Variants in CACNA1H observed in about 807,000 individuals in gnomAD.
CACNA1H encodes voltage-dependent T-type calcium channel subunit alpha-1H.
CACNA1H carries 149 observed loss-of-function variants against 192.5 expected under a neutral mutation model. That is an observed-to-expected ratio of 0.77 (90% CI 0.68 to 0.89). CACNA1H has a LOEUF of 0.89. CACNA1H is among the 40% of genes least tolerant of loss of function. CACNA1H has a pLI of 0.00. For synonymous variants in CACNA1H, 2,202 were observed against 1,475.2 expected, an observed-to-expected ratio of 1.49 and a Z score of -11.29; for missense variants, 4,257 against 3,423.5, an observed-to-expected ratio of 1.24 and a Z score of -6.08.
chr16:1,209,451 C>A (rs748676272), intron 17 of CACNA1H, 39 bp downstream of exon 17: 11 of 1,587,650 alleles, frequency 6.9e-6, no homozygotes, highest in South Asian at 6.6e-5. Context: ...GACTCGCCTT[C>A]GTCTGTCTGG....
rs746731481 is a variant in CACNA1H at position 1,220,751 on chromosome 16, C to T, written c.6819C>T (p.Leu2273=). The change falls in exon 35 of 35, where the codon CTC becomes CTT. Residue 2273 remains leucine (L), a synonymous_variant. Coordinates refer to ENST00000348261, the MANE Select transcript of CACNA1H (RefSeq NM_021098.3). The part of the protein sequence containing the change: ...VPSFAFEPLD[L]GVPSGDPFLD... ...GCTTTGCCTTTGAGCCGCTGGACCT[C>T]GGGGTCCCCAGTGGAGACCCTTTCT... 10 of 1,612,404 alleles carry T rather than the reference C, an allele frequency of 6.2e-6. No homozygotes were observed. Among genetic ancestry groups the T allele is most frequent in the African/African-American group, 2.7e-5 (2 of 74,896 alleles).
At chr16:1,212,628 C>G in intron 26 of CACNA1H, 100 bp downstream of exon 26, 1 of 1,416,858 alleles carries the variant, frequency 7.1e-7, no homozygotes, top group Non-Finnish European at 9.7e-7. Context: ...GCAGGGTGGG[C>G]ACAGGCAGCC....
chr16:1,194,344 C>T (rs186006414), intron 2 of CACNA1H, among the ~76,000 whole-genome samples: 8 of 152,296 alleles, frequency 5.3e-5, no homozygotes, highest in African/African-American at 1.9e-4. Context: ...AAGGAAGGTC[C>T]CTCCTGGGTC....
intron 2 of CACNA1H, among the ~76,000 whole-genome samples, chr16:1,192,564 A>T (rs1966718168): frequency 6.6e-6 from 1 of 152,236 alleles, no homozygotes; most frequent in South Asian, 2.1e-4. Flanking sequence ...GCCATGCCGT[A>T]GCTTTAGCTC....
At position 1,204,354 on chromosome 16, in the gene CACNA1H, A is replaced by G. The variant is rs887765821; in HGVS notation, c.2347A>G (p.Ser783Gly). Residue 783 changes from serine to glycine, a missense_variant, in exon 10 of 35, where the codon AGC becomes GGC. Ser to Gly is a moderately conservative substitution (Grantham distance 56). Transcript: ENST00000348261. ...GATGGGCCGCCTCTGGGTTACCTTC[A>G]GCGGCAAGCTGCGCCGCATCGTGGA... is the stretch of plus-strand genomic sequence containing the variant. ...GWMGRLWVTF[S>G]GKLRRIVDSK... 2 of 1,579,692 alleles carry G rather than the reference A, an allele frequency of 1.3e-6. No homozygotes were observed. The highest frequency in any genetic ancestry group is 2.2e-5 in the East Asian group (1 of 44,502).
chr16:1,204,490 C>T, intron 10 of CACNA1H, 32 bp downstream of exon 10: 1 of 1,498,408 alleles, frequency 6.7e-7, no homozygotes, highest in Non-Finnish European at 8.9e-7. Flanking sequence ...GGGTGGGCTC[C>T]CTGTCAGGCT....
chr16:1,177,802 G>A (rs1338856850), intron 2 of CACNA1H, among the ~76,000 whole-genome samples: 1 of 151,896 alleles, frequency 6.6e-6, no homozygotes, highest in East Asian at 1.9e-4. Flanking sequence ...CGGGGTCCTT[G>A]TTACAAGGGC....
chr16:1,208,924 A>C, intron 16 of CACNA1H, 108 bp from the exon 17 acceptor site: 1 of 1,164,374 alleles, frequency 8.6e-7, no homozygotes, highest in Non-Finnish European at 1.1e-6. Context: ...TGGCGGGGCT[A>C]TGCATTAAAT....
At chr16:1,206,493 C>A in intron 12 of CACNA1H, 2 of 583,128 alleles carry the variant, frequency 3.4e-6, no homozygotes, top group Non-Finnish European at 6.0e-6. Flanking sequence ...TGCAGGGAGT[C>A]AGATGGCAGG....
Position 1,206,343 on chromosome 16 carries a change from G to A in CACNA1H, c.2789+54G>A, listed in dbSNP as rs544632873. The A allele has an allele frequency of 2.2e-5, 34 of 1,514,120 alleles. No homozygotes were observed. The African/African-American group carries it at 4.1e-4, about 18-fold the overall frequency. The allele number at this position is 1,514,120 out of a possible 1,614,324, so 93.8% of individuals were successfully genotyped here. On this transcript the variant is annotated intron_variant, in intron 12 of 34. Coordinates refer to ENST00000348261, the MANE Select transcript of CACNA1H (RefSeq NM_021098.3). The stretch of plus-strand genomic sequence containing the variant: ...CAGTGTCTCACCCCAGGGCAGCTGG[G>A]AGGCAAAGGCCCAGGGCACCCCCCG...
At position 1,198,648 on chromosome 16, in the gene CACNA1H, C is replaced by T. The variant is rs770952533; in HGVS notation, c.677C>T (p.Thr226Met). 10 of 1,613,224 alleles carry T rather than the reference C, an allele frequency of 6.2e-6. No individual in the cohort carries two copies. Among genetic ancestry groups the T allele is most frequent in the African/African-American group, 1.3e-5 (1 of 74,872 alleles). The change falls in exon 6 of 35, where the codon ACG (threonine) becomes ATG (methionine). Residue 226 changes from threonine to methionine, a missense_variant. Physicochemically the swap from Thr to Met is moderately conservative, Grantham distance 81. Coordinates refer to ENST00000348261, the MANE Select transcript of CACNA1H (RefSeq NM_021098.3). The stretch of plus-strand genomic sequence containing the variant: ...ATCCTGGTCACTCTGCTGCTGGATA[C>T]GCTGCCCATGCTCGGGAACGTCCTT... ...MRILVTLLLD[T>M]LPMLGNVLLL...
chr16:1,214,830 C>T (rs772627045), intron 27 of CACNA1H, 142 bp from the exon 28 acceptor site: 34 of 634,954 alleles, frequency 5.4e-5, no homozygotes, highest in Admixed American at 1.2e-4. Flanking sequence ...AAGAGGCTCC[C>T]GGTGCCCAGG....
rs369077839 is a variant in CACNA1H at position 1,218,664 on chromosome 16, G to A, written c.5887+13G>A. On this transcript the variant is annotated intron_variant, in intron 33 of 34. Coordinates refer to ENST00000348261, the MANE Select transcript of CACNA1H (RefSeq NM_021098.3). ...GGCACCCCCTTGGGTATGGTAGCCAGCAGGAAGATATGGGCTGGGTGGGAA... is the reference window on the plus strand; with the variant it reads ...GGCACCCCCTTGGGTATGGTAGCCAACAGGAAGATATGGGCTGGGTGGGAA... 4 of 1,526,220 alleles carry A rather than the reference G, an allele frequency of 2.6e-6. No homozygotes were observed. Among genetic ancestry groups the A allele is most frequent in the South Asian group, 2.5e-5 (2 of 79,584 alleles). The allele number at this position is 1,526,220 out of a possible 1,614,324, so 94.5% of individuals were successfully genotyped here.
At position 1,180,518 on chromosome 16, in the gene CACNA1H, G is replaced by A. The variant is rs1391363579; in HGVS notation, c.300-14454G>A. Among the ~76,000 whole-genome samples, 3 of 152,122 alleles carry A rather than the reference G, an allele frequency of 2.0e-5. No individual in the cohort carries two copies. Among genetic ancestry groups the A allele is most frequent in the Non-Finnish European group, 4.4e-5 (3 of 68,002 alleles). On this transcript the variant is annotated intron_variant, in intron 2 of 34. Coordinates refer to ENST00000348261, the MANE Select transcript of CACNA1H (RefSeq NM_021098.3). The surrounding 1 kb of genome is among the most constrained non-coding windows in gnomAD (Gnocchi z 4.4). ...TCCCTGGCGTCCCCATACCCCCTCC[G>A]AGGCACAGCCACAGTCTCTGGGTCC...
Position 1,211,596 on chromosome 16 carries a change from A to G in CACNA1H, c.4466A>G (p.Asn1489Ser), listed in dbSNP as rs1969457181. 1.9e-6 allele frequency: 3 copies of G among 1,609,780 alleles called. No homozygotes were observed. Among genetic ancestry groups the G allele is most frequent in the Non-Finnish European group, 2.5e-6 (3 of 1,178,398 alleles). ...GTGCGACGCAAGTACAACTTCGACA[A>G]CCTGGGCCAGGTGGGCTGGGCGGCC... ...RWVRRKYNFD[N>S]LGQALMSLFV... Residue 1489 changes from asparagine to serine, a missense_variant, in exon 23 of 35, where the codon AAC (asparagine) becomes AGC (serine). Physicochemically the swap from Asn to Ser is conservative, Grantham distance 46. Coordinates refer to ENST00000348261, the MANE Select transcript of CACNA1H (RefSeq NM_021098.3).
chr16:1,158,516 G>A (rs1462344490), intron 2 of CACNA1H, among the ~76,000 whole-genome samples: 5 of 152,174 alleles, frequency 3.3e-5, no homozygotes, highest in Admixed American at 6.5e-5. Flanking sequence ...CATCAGGGCC[G>A]CACGCCCCGT....
chr16:1,204,022 C>A lies in CACNA1H; in HGVS notation c.2015C>A (p.Ala672Asp). Residue 672 changes from alanine to aspartate, a missense_variant, in exon 10 of 35, where the codon GCC (alanine) becomes GAC (aspartate). Coordinates refer to ENST00000348261, the MANE Select transcript of CACNA1H (RefSeq NM_021098.3). The stretch of plus-strand genomic sequence containing the variant: ...CCCTCTCCCGCAGGACTGGGCCAGG[C>A]CCCTGGCCATCTGTCGGGCCTCAGT... ...HVVGEHGLGQ[A>D]PGHLSGLSVP... 6.4e-7 allele frequency: 1 copy of A among 1,553,710 alleles called. No individual in the cohort carries two copies. Among genetic ancestry groups the A allele is most frequent in the East Asian group, 2.4e-5 (1 of 41,606 alleles).
chr16:1,203,957 C>T (rs1490235950), intron 9 of CACNA1H, 53 bp from the exon 10 acceptor site: 10 of 1,381,802 alleles, frequency 7.2e-6, no homozygotes, highest in Non-Finnish European at 9.7e-6. Context: ...TTCCCGGGCC[C>T]TTGTGGCAGC....
intron 2 of CACNA1H, among the ~76,000 whole-genome samples, chr16:1,193,039 A>G (rs1407049944): frequency 6.6e-6 from 1 of 152,114 alleles, no homozygotes; most frequent in East Asian, 1.9e-4. Flanking sequence ...GCCACCTACA[A>G]GACCCCTGGC....
Sources: allele counts gnomAD v4.1 joint callset (sites outside exome capture counted in the v4.1 genomes callset), GRCh38; gene constraint gnomAD v4.1.1; non-coding constraint Gnocchi (gnomAD v3.1); transcripts MANE v1.5; gene names NCBI Gene and HGNC (gene_info 2026-07-23, HGNC 2026-07-21).